Variants in TBC1D19 observed in about 807,000 individuals in gnomAD.
The protein encoded by TBC1D19 is TBC1 domain family, member 19.
TBC1D19 carries 60 observed loss-of-function variants against 89.0 expected under a neutral mutation model. That is an observed-to-expected ratio of 0.67 (90% confidence interval 0.55 to 0.84). The LOEUF is 0.84. Ranked by LOEUF, TBC1D19 falls within the 40% of genes least tolerant of loss-of-function variation. The pLI is 0.00. For synonymous variants in TBC1D19, 189 were observed against 199.7 expected, an observed-to-expected ratio of 0.95 and a Z score of 0.45; for missense variants, 500 against 610.8, an observed-to-expected ratio of 0.82 and a Z score of 1.91.
At chr4:26,726,036 C>A (rs1717289510) in intron 15 of TBC1D19, among the ~76,000 whole-genome samples, 1 of 151,906 alleles carries the variant, frequency 6.6e-6, no homozygotes, top group Admixed American at 6.6e-5. Flanking sequence ...TTGTTTCTTA[C>A]ATGACAGAAG....
At chr4:26,708,251 AT>A (rs1406762927) in intron 13 of TBC1D19, among the ~76,000 whole-genome samples, 1 of 152,052 alleles carries the variant, frequency 6.6e-6, no homozygotes, top group African/African-American at 2.4e-5. Flanking sequence ...GGCATTCTTG[AT>A]TAATGGCTTT....
At chr4:26,582,541 C>T (rs985025949), upstream of TBC1D19, among the ~76,000 whole-genome samples, 5 of 152,214 alleles carry the variant, frequency 3.3e-5, no homozygotes, top group Non-Finnish European at 7.3e-5. Flanking sequence ...TCTCCTCTCT[C>T]TGCCTCTTCT....
intron 7 of TBC1D19, among the ~76,000 whole-genome samples, chr4:26,641,904 A>G (rs1413924267): frequency 6.6e-6 from 1 of 152,056 alleles, no homozygotes; most frequent in East Asian, 1.9e-4. Context: ...GAAACCAACA[A>G]TGCCTCCAAG....
intron 1 of TBC1D19, among the ~76,000 whole-genome samples, chr4:26,593,014 A>G (rs1739926701): frequency 6.6e-6 from 1 of 152,204 alleles, no homozygotes; most frequent in Admixed American, 6.5e-5. Flanking sequence ...GAACCAAAAA[A>G]GATCCTGCAT....
At chr4:26,853,765 G>C in the TBC1D19 span, among the ~76,000 whole-genome samples, 1 of 152,158 alleles carries the variant, frequency 6.6e-6, no homozygotes, top group East Asian at 1.9e-4. Flanking sequence ...TCGAACTCCT[G>C]ACCTCATGAT....
intron 13 of TBC1D19, among the ~76,000 whole-genome samples, chr4:26,717,176 T>C (rs1716682941): frequency 6.6e-6 from 1 of 152,070 alleles, no homozygotes. Context: ...AGCCTGACTC[T>C]GTGCACCTGT....
At chr4:26,666,295 C>G in intron 8 of TBC1D19, 38 bp from the exon 9 acceptor site, 1 of 1,539,138 alleles carries the variant, frequency 6.5e-7, no homozygotes, top group Non-Finnish European at 9.0e-7. Context: ...GCAGCAAAGT[C>G]TGAGATCTAT....
At chr4:26,720,929 A>T (rs1416552010) in intron 15 of TBC1D19, among the ~76,000 whole-genome samples, 2 of 152,130 alleles carry the variant, frequency 1.3e-5, no homozygotes, top group Non-Finnish European at 2.9e-5. Flanking sequence ...TGCTCAGAAG[A>T]TGTAGCTGTT....
At chr4:26,719,335 C>T (rs1371868403) in intron 14 of TBC1D19, among the ~76,000 whole-genome samples, 2 of 151,964 alleles carry the variant, frequency 1.3e-5, no homozygotes, top group African/African-American at 4.8e-5. Context: ...GTCTCTGTCA[C>T]CACCCCTAAC....
At chr4:26,856,186 GA>G in the TBC1D19 span, among the ~76,000 whole-genome samples, 1 of 121,684 alleles carries the variant, frequency 8.2e-6, no homozygotes, top group Non-Finnish European at 2.0e-5. Flanking sequence ...TCTATGAGAT[GA>G]ACTTTTTTTT....
the TBC1D19 span, among the ~76,000 whole-genome samples, chr4:26,854,187 A>G: frequency 6.6e-6 from 1 of 151,986 alleles, no homozygotes; most frequent in Non-Finnish European, 1.5e-5. Flanking sequence ...ACTATACCAG[A>G]GACTGTGGAA....
intron 5 of TBC1D19, 110 bp from the exon 6 acceptor site, chr4:26,638,661 T>C (rs1333579273): frequency 6.4e-6 from 5 of 775,460 alleles, no homozygotes; most frequent in Middle Eastern, 2.6e-4. Context: ...GAAATTATAC[T>C]GTTATGGTCA....
At chr4:26,836,598 G>C in the TBC1D19 span, among the ~76,000 whole-genome samples, 1 of 152,190 alleles carries the variant, frequency 6.6e-6, no homozygotes, top group Non-Finnish European at 1.5e-5. Flanking sequence ...TGCCAGCTGG[G>C]TCCAGAGGAA....
intron 1 of TBC1D19, among the ~76,000 whole-genome samples, chr4:26,590,796 G>GTTTTTGTTTTTTTTTTTTTTTT (rs1739723259): frequency 1.9e-5 from 1 of 52,958 alleles, no homozygotes; most frequent in African/African-American, 8.3e-5. Flanking sequence ...TTGCAGGTCT[G>GTTTTTGTTTTTTTTTTTTTTTT]TTTTTTTTTT....
the TBC1D19 span, among the ~76,000 whole-genome samples, chr4:26,809,765 C>G: frequency 6.6e-6 from 1 of 152,160 alleles, no homozygotes; most frequent in African/African-American, 2.4e-5. Context: ...GAAGGATTAG[C>G]TCCTGGTGCT....
chr4:26,834,946 T>C, the TBC1D19 span, among the ~76,000 whole-genome samples: 2 of 152,360 alleles, frequency 1.3e-5, no homozygotes, highest in South Asian at 4.1e-4. Context: ...CAAAGCTCTA[T>C]GTGTGTAGAA....
chr4:26,621,098 G>A (rs947867924), intron 4 of TBC1D19, among the ~76,000 whole-genome samples: 18 of 152,104 alleles, frequency 1.2e-4, no homozygotes, highest in African/African-American at 2.4e-4. Context: ...ATTTGTTCTC[G>A]CAGTAGGCTG....
chr4:26,779,469 C>A, the TBC1D19 span, among the ~76,000 whole-genome samples: 2 of 152,212 alleles, frequency 1.3e-5, no homozygotes, highest in South Asian at 4.1e-4. Flanking sequence ...CAAACACATA[C>A]TTTTTTCTCA....
chr4:26,797,518 T>A, the TBC1D19 span, among the ~76,000 whole-genome samples: 46 of 152,310 alleles, frequency 3.0e-4, no homozygotes, highest in Non-Finnish European at 1.8e-4. Context: ...ACCAACATCA[T>A]TTTTAACAGA....
Sources: gnomAD v4.1 joint callset for allele counts (sites outside exome capture counted in the v4.1 genomes callset) on GRCh38, gnomAD v4.1.1 for gene constraint, MANE v1.5 for transcripts, NCBI Gene and HGNC (gene_info 2026-07-23, HGNC 2026-07-21) for gene names.